SRSF8: variants seen among roughly 807,000 people sequenced by gnomAD.
The protein encoded by SRSF8 is serine/arginine-rich splicing factor 8.
In SRSF8, 3 loss-of-function variants were observed where a neutral mutation model predicts 2.0. The ratio of observed to expected loss-of-function variants is 1.47; its 90% CI spans 0.67 to 3.79. The LOEUF is 3.79. Ranked by LOEUF, SRSF8 falls within the 30% of genes most tolerant of loss-of-function variation. SRSF8 has a pLI of 0.02. For synonymous variants in SRSF8, 162 were observed against 170.7 expected, an observed-to-expected ratio of 0.95 and a Z score of 0.40; for missense variants, 408 against 410.9, an observed-to-expected ratio of 0.99 and a Z score of 0.06.
In SRSF8 at chr11:95,070,381, A is replaced by AAAAAAAAAAAAAAAAAAAAAAG. The variant is rs10656146; in HGVS notation, c.*2309_*2310insAAAAAAAAAAAAAAAAAAGAAA. 1 of 161,830 alleles carries AAAAAAAAAAAAAAAAAAAAAAG rather than the reference A, an allele frequency of 6.2e-6. No homozygotes were observed. Among genetic ancestry groups the AAAAAAAAAAAAAAAAAAAAAAG allele is most frequent in the African/African-American group, 2.5e-5 (1 of 40,620 alleles). 10.0% of individuals were successfully genotyped at this position (161,830 alleles called of 1,614,324 possible). On this transcript the variant is annotated 3_prime_UTR_variant, in exon 1 of 1. Coordinates refer to ENST00000587424, the MANE Select transcript of SRSF8 (RefSeq NM_032102.4). ...AAAACTTCATCTCAAAAAAAAAAAA[A>AAAAAAAAAAAAAAAAAAAAAAG]AAAGAAAAAGGAAAAAAACAAACAA...
chr11:95,071,142 AT>A lies in SRSF8; in HGVS notation c.*3068del, dbSNP rs1473161705. 1.8e-5 allele frequency: 3 copies of A among 167,076 alleles called. No homozygotes were observed. Among genetic ancestry groups the A allele is most frequent in the African/African-American group, 7.2e-5 (3 of 41,450 alleles). 10.3% of individuals were successfully genotyped at this position (167,076 alleles called of 1,614,324 possible). On this transcript the variant is annotated 3_prime_UTR_variant, in exon 1 of 1. Transcript: ENST00000587424. Reference sequence around the variant, plus strand: ...TCTTTAAGATTCTCTGTATTGTTGCATGTGGCTGAGTTTATTTTTGATGCTG... The same window carrying A: ...TCTTTAAGATTCTCTGTATTGTTGCAGTGGCTGAGTTTATTTTTGATGCTG...
chr11:95,067,100 C>G lies in SRSF8; in HGVS notation c.-127C>G. ...CAGGGCGCTCCCTGCGGAGCTCCGC[C>G]GCCCGCCTCTCCGCCCGGCCTTTCC... is the stretch of plus-strand genomic sequence containing the variant. On this transcript the variant is annotated 5_prime_UTR_variant, in exon 1 of 1. Coordinates refer to ENST00000587424, the MANE Select transcript of SRSF8 (RefSeq NM_032102.4). 1.0e-6 allele frequency: 1 copy of G among 973,874 alleles called. No homozygotes were observed. Among genetic ancestry groups the G allele is most frequent in the Non-Finnish European group, 1.4e-6 (1 of 706,944 alleles). The allele number at this position is 973,874 out of a possible 1,614,324, so 60.3% of individuals were successfully genotyped here. A position where few individuals can be genotyped will look rare whatever the true frequency, so the allele number is the denominator to read the frequency against.
In SRSF8 at chr11:95,069,373, G is replaced by C. The variant is rs1555107438; in HGVS notation, c.*1298G>C. ...GCTTTCATCATTATCCCTACTAGATGTTATGTGTTCTTTTGCAATTGTTTC... is the reference window on the plus strand; with the variant it reads ...GCTTTCATCATTATCCCTACTAGATCTTATGTGTTCTTTTGCAATTGTTTC... On this transcript the variant is annotated 3_prime_UTR_variant, in exon 1 of 1. Transcript: ENST00000587424. 6.0e-6 allele frequency: 1 copy of C among 165,844 alleles called. No individual in the cohort carries two copies. Among genetic ancestry groups the C allele is most frequent in the African/African-American group, 2.4e-5 (1 of 41,262 alleles). The allele number at this position is 165,844 out of a possible 1,614,324, so 10.3% of individuals were successfully genotyped here.
Position 95,069,280 on chromosome 11 carries a change from TTC to T in SRSF8, c.*1211_*1212del, listed in dbSNP as rs1180330631. On this transcript the variant is annotated 3_prime_UTR_variant, in exon 1 of 1. Transcript: ENST00000587424. Reference sequence around the variant, plus strand: ...TATCACAATGCAGTTTATTTGTAGTTTCTCTCTTTTTTCCTCACACCTATGGT... The same window carrying T: ...TATCACAATGCAGTTTATTTGTAGTTTCTCTTTTTTCCTCACACCTATGGT... 1 of 166,928 alleles carries T rather than the reference TTC, an allele frequency of 6.0e-6. No homozygotes were observed. The highest frequency in any genetic ancestry group is 2.4e-5 in the African/African-American group (1 of 41,460). 10.3% of individuals were successfully genotyped at this position (166,928 alleles called of 1,614,324 possible).
At position 95,067,349 on chromosome 11, in the gene SRSF8, C is replaced by A. The variant is rs371624141; in HGVS notation, c.123C>A (p.Gly41=). ...RRVFEKYGRV[G]DVYIPREPHT... ...TGTTCGAGAAGTACGGGCGCGTGGG[C>A]GACGTGTACATCCCGCGGGAGCCCC... is the stretch of plus-strand genomic sequence containing the variant. Residue 41 remains glycine, a synonymous_variant, in exon 1 of 1, where the codon GGC becomes GGA. Coordinates refer to ENST00000587424, the MANE Select transcript of SRSF8 (RefSeq NM_032102.4). 1.2e-6 allele frequency: 2 copies of A among 1,603,476 alleles called. No individual in the cohort carries two copies. Among genetic ancestry groups the A allele is most frequent in the Admixed American group, 1.7e-5 (1 of 59,424 alleles).
rs1858704132 is a variant in SRSF8 at position 95,069,546 on chromosome 11, A to G, written c.*1471A>G. The G allele has an allele frequency of 6.0e-6, 1 of 167,094 alleles. No individual in the cohort carries two copies. Among genetic ancestry groups the G allele is most frequent in the African/African-American group, 2.4e-5 (1 of 41,464 alleles). 10.4% of individuals were successfully genotyped at this position (167,094 alleles called of 1,614,324 possible). A position where few individuals can be genotyped will look rare whatever the true frequency, so the allele number is the denominator to read the frequency against. The stretch of plus-strand genomic sequence containing the variant: ...TATTTTTGACTGAATTATCAATTAA[A>G]AATATTTCATTCCCTTTGTGCAGAA... On this transcript the variant is annotated 3_prime_UTR_variant, in exon 1 of 1. Transcript: ENST00000587424.
Position 95,067,063 on chromosome 11 carries a change from A to C in SRSF8, c.-164A>C. The C allele has an allele frequency of 1.7e-6, 1 of 581,314 alleles. No homozygotes were observed. The highest frequency in any genetic ancestry group is 2.8e-6 in the Non-Finnish European group (1 of 360,088). The allele number at this position is 581,314 out of a possible 1,614,324, so 36.0% of individuals were successfully genotyped here. A position where few individuals can be genotyped will look rare whatever the true frequency, so the allele number is the denominator to read the frequency against. ...ATTTGGCCTGAAATTGGGAACTCGG[A>C]AGTTGCTGCTCCAGGGCGCTCCCTG... On this transcript the variant is annotated 5_prime_UTR_variant, in exon 1 of 1. Coordinates refer to ENST00000587424, the MANE Select transcript of SRSF8 (RefSeq NM_032102.4).
At position 95,067,462 on chromosome 11, in the gene SRSF8, A is replaced by T. The variant is rs1555107040; in HGVS notation, c.236A>T (p.Glu79Val). 6.6e-7 allele frequency: 1 copy of T among 1,507,072 alleles called. No homozygotes were observed. The highest frequency in any genetic ancestry group is 1.2e-5 in the South Asian group (1 of 81,550). 93.4% of individuals were successfully genotyped at this position (1,507,072 alleles called of 1,614,324 possible). The change falls in exon 1 of 1, where the codon GAG (glutamate) becomes GTG (valine). Residue 79 changes from glutamate to valine, a missense_variant. Glu to Val is a moderately radical substitution (Grantham distance 121, BLOSUM62 -2). Around this residue, in one of 2 missense-constraint regions of SRSF8, gnomAD observed 346 missense variants for 316.5 expected, o/e 1.09. Transcript: ENST00000587424. ...GCCGAGGCCGCCATGGACGGGGCGG[A>T]GCTGGACGGACGCGAGCTGCGGGTG... Reference protein sequence around the residue: ...QDAEAAMDGAELDGRELRVQV... With the variant: ...QDAEAAMDGAVLDGRELRVQV...
At position 95,067,193 on chromosome 11, in the gene SRSF8, C is replaced by A. The variant is rs1432650953; in HGVS notation, c.-34C>A. The A allele has an allele frequency of 2.8e-6, 4 of 1,421,246 alleles. No individual in the cohort carries two copies. In the African/African-American group the frequency reaches 4.4e-5, roughly 16 times the overall value. The allele number at this position is 1,421,246 out of a possible 1,614,324, so 88.0% of individuals were successfully genotyped here. A position where few individuals can be genotyped will look rare whatever the true frequency, so the allele number is the denominator to read the frequency against. ...GTCGCACCGTCAGCGCCCAGAGCAG[C>A]GCCAGTTTCCGGGCCCGGGCTGCTC... is the stretch of plus-strand genomic sequence containing the variant. On this transcript the variant is annotated 5_prime_UTR_variant, in exon 1 of 1. Transcript: ENST00000587424.
rs1858729211 is a variant in SRSF8, at chr11:95,070,942, A to C, written c.*2867A>C. 6.0e-6 allele frequency: 1 copy of C among 167,086 alleles called. No homozygotes were observed. Among genetic ancestry groups the C allele is most frequent in the Non-Finnish European group, 1.5e-5 (1 of 68,094 alleles). The allele number at this position is 167,086 out of a possible 1,614,324, so 10.4% of individuals were successfully genotyped here. On this transcript the variant is annotated 3_prime_UTR_variant, in exon 1 of 1. Coordinates refer to ENST00000587424, the MANE Select transcript of SRSF8 (RefSeq NM_032102.4). Reference sequence around the variant, plus strand: ...ACTGGGCGTGGTGATGGGTGTAGAAATTGAGAAAGGAAAATCAAGAATTTC... The same window carrying C: ...ACTGGGCGTGGTGATGGGTGTAGAACTTGAGAAAGGAAAATCAAGAATTTC...
chr11:95,070,764 T>C lies in SRSF8; in HGVS notation c.*2689T>C, dbSNP rs1334884701. On this transcript the variant is annotated 3_prime_UTR_variant, in exon 1 of 1. Transcript: ENST00000587424. Reference sequence around the variant, plus strand: ...TGGTAGTGTTGGAAATGGACATAAATAGACATATTCAGGAAATATATTGAT... The same window carrying C: ...TGGTAGTGTTGGAAATGGACATAAACAGACATATTCAGGAAATATATTGAT... 6.0e-6 allele frequency: 1 copy of C among 167,086 alleles called. No individual in the cohort carries two copies. Among genetic ancestry groups the C allele is most frequent in the Non-Finnish European group, 1.5e-5 (1 of 68,122 alleles). 10.4% of individuals were successfully genotyped at this position (167,086 alleles called of 1,614,324 possible). A position where few individuals can be genotyped will look rare whatever the true frequency, so the allele number is the denominator to read the frequency against.
In SRSF8 at chr11:95,067,692, A is replaced by G; in HGVS notation, c.466A>G (p.Ser156Gly). The change falls in exon 1 of 1, where the codon AGC becomes GGC. Residue 156 changes from serine (S) to glycine (G), a missense_variant. Around this residue, in one of 2 missense-constraint regions of SRSF8, gnomAD observed 346 missense variants for 316.5 expected, o/e 1.09. Transcript: ENST00000587424. ...ATCTCGCTATAGGGGTTCTCGCTAT[A>G]GCCGGTCTCCCTACAGCCGATCTCC... The part of the protein sequence containing the change: ...SRSRYRGSRY[S>G]RSPYSRSPYS... The G allele has an allele frequency of 6.2e-7, 1 of 1,613,914 alleles. No homozygotes were observed.
chr11:95,068,780 A>G lies in SRSF8; in HGVS notation c.*705A>G, dbSNP rs562598190. ...GGGGAAAACACGCCTTGTCCTGAAG[A>G]ACAAATGGCTGTCCAGTTTATTAAA... On this transcript the variant is annotated 3_prime_UTR_variant, in exon 1 of 1. Coordinates refer to ENST00000587424, the MANE Select transcript of SRSF8 (RefSeq NM_032102.4). The G allele has an allele frequency of 6.0e-6, 1 of 167,340 alleles. No homozygotes were observed. Among genetic ancestry groups the G allele is most frequent in the South Asian group, 2.1e-4 (1 of 4,826 alleles). 10.4% of individuals were successfully genotyped at this position (167,340 alleles called of 1,614,324 possible).
In SRSF8 at chr11:95,067,748, C is replaced by T. The variant is rs782659395; in HGVS notation, c.522C>T (p.Pro174=). 1.4e-5 allele frequency: 23 copies of T among 1,613,950 alleles called. No homozygotes were observed. The highest frequency in any genetic ancestry group is 1.8e-5 in the Non-Finnish European group (21 of 1,179,906). The part of the protein sequence containing the change: ...PYSRSRYSRS[P]YSRSRYRESR... ...GCCGGTCGCGCTACAGCCGCTCTCC[C>T]TACAGCAGATCTCGCTACAGGGAAT... Residue 174 remains proline (P), a synonymous_variant, in exon 1 of 1, where the codon CCC becomes CCT. Coordinates refer to ENST00000587424, the MANE Select transcript of SRSF8 (RefSeq NM_032102.4).
chr11:95,067,052 T>C lies in SRSF8; in HGVS notation c.-175T>C. On this transcript the variant is annotated 5_prime_UTR_variant, in exon 1 of 1. Transcript: ENST00000587424. ...GGTCCTGGAGTATTTGGCCTGAAATTGGGAACTCGGAAGTTGCTGCTCCAG... is the reference window on the plus strand; with the variant it reads ...GGTCCTGGAGTATTTGGCCTGAAATCGGGAACTCGGAAGTTGCTGCTCCAG... 1 of 539,330 alleles carries C rather than the reference T, an allele frequency of 1.9e-6. No homozygotes were observed. The highest frequency in any genetic ancestry group is 3.1e-6 in the Non-Finnish European group (1 of 324,224). The allele number at this position is 539,330 out of a possible 1,614,324, so 33.4% of individuals were successfully genotyped here. A position where few individuals can be genotyped will look rare whatever the true frequency, so the allele number is the denominator to read the frequency against.
In SRSF8 at chr11:95,070,468, A is replaced by C. The variant is rs556530802; in HGVS notation, c.*2393A>C. The C allele has an allele frequency of 6.0e-6, 1 of 167,318 alleles. No homozygotes were observed. The highest frequency in any genetic ancestry group is 1.9e-4 in the East Asian group (1 of 5,184). The allele number at this position is 167,318 out of a possible 1,614,324, so 10.4% of individuals were successfully genotyped here. ...GTTGGAGCAGAAATGTGTAGTTGTCATTGAAGGTGTGAACATACCCTACCT... is the reference window on the plus strand; with the variant it reads ...GTTGGAGCAGAAATGTGTAGTTGTCCTTGAAGGTGTGAACATACCCTACCT... On this transcript the variant is annotated 3_prime_UTR_variant, in exon 1 of 1. Coordinates refer to ENST00000587424, the MANE Select transcript of SRSF8 (RefSeq NM_032102.4).
In SRSF8 at chr11:95,068,973, G is replaced by A. The variant is rs1284113965; in HGVS notation, c.*898G>A. On this transcript the variant is annotated 3_prime_UTR_variant, in exon 1 of 1. Coordinates refer to ENST00000587424, the MANE Select transcript of SRSF8 (RefSeq NM_032102.4). ...GAACTTAAAATATGGAGAATGTTATGGAAGAAATAGTTTATAAGTTTGTTA... is the reference window on the plus strand; with the variant it reads ...GAACTTAAAATATGGAGAATGTTATAGAAGAAATAGTTTATAAGTTTGTTA... 1.2e-5 allele frequency: 2 copies of A among 166,750 alleles called. No homozygotes were observed. The highest frequency in any genetic ancestry group is 2.9e-5 in the Non-Finnish European group (2 of 68,096). 10.3% of individuals were successfully genotyped at this position (166,750 alleles called of 1,614,324 possible).
chr11:95,067,917 C>T lies in SRSF8; in HGVS notation c.691C>T (p.Arg231Ter), dbSNP rs1175106975. The T allele has an allele frequency of 6.2e-7, 1 of 1,613,904 alleles. No individual in the cohort carries two copies. The highest frequency in any genetic ancestry group is 8.5e-7 in the Non-Finnish European group (1 of 1,179,922). Residue 231 changes from arginine (R) to a stop codon, truncating the protein, a stop_gained, in exon 1 of 1, where the codon CGA (arginine) becomes TGA (stop). Transcript: ENST00000587424. LOFTEE classifies it high-confidence loss of function. ...AACCTCCAAATCGAGCTCTGCGCGA[C>T]GATCCAAGTCCTCCTCGGTCTCCAG... ...ASTSKSSSAR[R>*]SKSSSVSRSR...
In SRSF8 at chr11:95,067,456, G is replaced by A. The variant is rs1555107032; in HGVS notation, c.230G>A (p.Gly77Glu). The A allele has an allele frequency of 1.3e-6, 2 of 1,538,428 alleles. No homozygotes were observed. Among genetic ancestry groups the A allele is most frequent in the Non-Finnish European group, 1.7e-6 (2 of 1,143,686 alleles). Residue 77 changes from glycine to glutamate, a missense_variant, in exon 1 of 1, where the codon GGG (glycine) becomes GAG (glutamate). Gly to Glu is a moderately conservative substitution (Grantham distance 98, BLOSUM62 -2). This residue lies in a region of SRSF8 where 346 missense variants were observed against 316.5 expected (regional missense o/e 1.09). Transcript: ENST00000587424. The part of the protein sequence containing the change: ...DAQDAEAAMD[G>E]AELDGRELRV... ...CAAGACGCCGAGGCCGCCATGGACG[G>A]GGCGGAGCTGGACGGACGCGAGCTG...
Sources: gnomAD v4.1 joint callset for allele counts on GRCh38, gnomAD v4.1.1 for gene constraint, gnomAD v4.1.1 regional missense constraint, MANE v1.5 for transcripts, NCBI Gene and HGNC (gene_info 2026-07-23, HGNC 2026-07-21) for gene names.